The following DAB1 variants were observed in gnomAD, a reference collection of about 807,000 sequenced individuals.
The protein encoded by DAB1 is DAB adaptor protein 1.
DAB1 carries 15 observed loss-of-function variants against 64.6 expected under a neutral mutation model. The ratio of observed to expected loss-of-function variants is 0.23; its 90% CI spans 0.16 to 0.36. The LOEUF (loss-of-function observed/expected upper bound fraction) is 0.36. DAB1 is among the 10% of genes least tolerant of loss of function. The probability of loss-of-function intolerance (pLI) is 1.00; values close to 1 mark genes in which losing one functional copy is unlikely to be tolerated. For synonymous variants in DAB1, 235 were observed against 251.9 expected (o/e 0.93, Z 0.64); for missense variants, 596 against 706.7 (o/e 0.84, Z 1.78).
intron 7 of DAB1, among the ~76,000 whole-genome samples, chr1:57,557,850 T>C (rs1467393701): frequency 2.6e-5 from 4 of 152,066 alleles, no homozygotes; most frequent in Non-Finnish European, 5.9e-5. Context: ...GTGGACAAAG[T>C]GATGAAAGAA....
At chr1:58,044,857 T>C (rs1457218076) in intron 5 of DAB1, among the ~76,000 whole-genome samples, 1 of 152,142 alleles carries the variant, frequency 6.6e-6, no homozygotes, top group Non-Finnish European at 1.5e-5. Flanking sequence ...AAATATATAA[T>C]AATAATCTGA....
chr1:57,773,783 T>C (rs1649671239), intron 6 of DAB1, among the ~76,000 whole-genome samples: 1 of 152,034 alleles, frequency 6.6e-6, no homozygotes, highest in African/African-American at 2.4e-5. Flanking sequence ...TGAAATGTTT[T>C]AGCAACTCTG....
At chr1:58,525,784 C>A (rs1178411736) in intron 2 of DAB1, among the ~76,000 whole-genome samples, 1 of 152,062 alleles carries the variant, frequency 6.6e-6, no homozygotes, top group African/African-American at 2.4e-5. Context: ...CAGAACAACA[C>A]TGGAGGACAG....
intron 6 of DAB1, among the ~76,000 whole-genome samples, chr1:57,759,778 T>C (rs2406280): frequency 0.56 from 84,358 of 151,900 alleles, 23,933 homozygotes; most frequent in African/African-American, 0.66. Context: ...TGAGACATGA[T>C]AGGGACATTG....
intron 6 of DAB1, among the ~76,000 whole-genome samples, chr1:57,779,547 A>G (rs1649968558): frequency 6.6e-6 from 1 of 152,216 alleles, no homozygotes; most frequent in African/African-American, 2.4e-5. Flanking sequence ...CATCTCCTCT[A>G]TGAAAACTCC....
At chr1:57,027,280 G>A (rs2100402125) in intron 9 of DAB1, among the ~76,000 whole-genome samples, 1 of 152,280 alleles carries the variant, frequency 6.6e-6, no homozygotes, top group Admixed American at 6.5e-5. Flanking sequence ...CCCAGATGGG[G>A]AAGAACAAGG....
chr1:58,372,705 C>G (rs6587812), intron 3 of DAB1, among the ~76,000 whole-genome samples: 127,704 of 152,116 alleles, frequency 0.84, 54,230 homozygotes, highest in East Asian at 1. Flanking sequence ...GGGGTGATTG[C>G]ATCATGAGGG....
intron 5 of DAB1, among the ~76,000 whole-genome samples, chr1:58,133,669 T>C (rs1258696766): frequency 2.6e-5 from 4 of 152,226 alleles, no homozygotes; most frequent in African/African-American, 4.8e-5. Flanking sequence ...GATTTAAGGC[T>C]CTCACTTGTT....
chr1:57,460,737 T>C (rs982784286), intron 7 of DAB1, among the ~76,000 whole-genome samples: 3 of 152,136 alleles, frequency 2.0e-5, no homozygotes, highest in African/African-American at 7.2e-5. Flanking sequence ...TCTCTCTGCA[T>C]AGGTACATTC....
At chr1:57,107,515 G>C (rs555143824) in intron 4 of DAB1, among the ~76,000 whole-genome samples, 1 of 152,146 alleles carries the variant, frequency 6.6e-6, no homozygotes, top group East Asian at 1.9e-4. Flanking sequence ...AATTAAAGAG[G>C]AGGAGCCACA....
intron 14 of DAB1, among the ~76,000 whole-genome samples, chr1:57,006,270 G>T (rs528490817): frequency 6.6e-6 from 1 of 152,276 alleles, no homozygotes; most frequent in East Asian, 1.9e-4. Flanking sequence ...GTTGTATCCA[G>T]CAGCCTACTG....
At chr1:57,305,241 G>A (rs1429147377) in intron 1 of DAB1, among the ~76,000 whole-genome samples, 2 of 152,218 alleles carry the variant, frequency 1.3e-5, no homozygotes, top group Admixed American at 6.5e-5. Flanking sequence ...CAGACCAGGA[G>A]GGAACCCTGT....
chr1:58,300,115 G>A (rs1569618705), intron 4 of DAB1, among the ~76,000 whole-genome samples: 2 of 152,184 alleles, frequency 1.3e-5, no homozygotes, highest in South Asian at 4.1e-4. Flanking sequence ...GATGACTCAG[G>A]ATAATGTAGA....
intron 4 of DAB1, among the ~76,000 whole-genome samples, chr1:57,127,411 C>T (rs1304992680): frequency 6.6e-6 from 1 of 152,206 alleles, no homozygotes; most frequent in Admixed American, 6.5e-5. Context: ...ATGTCACAGG[C>T]CCTTTCATGA....
At chr1:57,706,467 A>G (rs1312191215) in intron 6 of DAB1, among the ~76,000 whole-genome samples, 3 of 151,804 alleles carry the variant, frequency 2.0e-5, no homozygotes, top group African/African-American at 7.3e-5. Flanking sequence ...ACAGGTGCAC[A>G]CTACCACACT....
chr1:58,439,752 C>G (rs1042109621), intron 3 of DAB1, among the ~76,000 whole-genome samples: 1 of 152,200 alleles, frequency 6.6e-6, no homozygotes, highest in African/African-American at 2.4e-5. Context: ...GCAATGTTGA[C>G]TCCAGAATGT....
At chr1:57,985,730 G>A (rs549487431) in intron 5 of DAB1, among the ~76,000 whole-genome samples, 20 of 152,142 alleles carry the variant, frequency 1.3e-4, no homozygotes, top group African/African-American at 4.6e-4. Flanking sequence ...AAAGTGTCCC[G>A]GACAGAGTTG....
intron 5 of DAB1, among the ~76,000 whole-genome samples, chr1:58,141,250 G>C (rs866388913): frequency 6.6e-6 from 1 of 152,156 alleles, no homozygotes; most frequent in African/African-American, 2.4e-5. Flanking sequence ...CACATGGCTG[G>C]GGAGGCCTCA....
chr1:57,279,042 G>A (rs1351608770), intron 2 of DAB1, among the ~76,000 whole-genome samples: 1 of 152,234 alleles, frequency 6.6e-6, no homozygotes, highest in East Asian at 1.9e-4. Context: ...CCCGCTGGGA[G>A]GTGAACTAGG....
Sources: gnomAD v4.1 joint callset for allele counts (sites outside exome capture counted in the v4.1 genomes callset) on GRCh38, gnomAD v4.1.1 for gene constraint, MANE v1.5 for transcripts, NCBI Gene and HGNC (gene_info 2026-07-23, HGNC 2026-07-21) for gene names.